ACTN2: variants seen among roughly 807,000 people sequenced by gnomAD.
ACTN2 encodes alpha-actinin-2.
ACTN2 carries 39 observed loss-of-function variants against 113.8 expected under a neutral mutation model. The ratio of observed to expected loss-of-function variants is 0.34; its 90% CI spans 0.27 to 0.45. The LOEUF is 0.45. Among genes scored for constraint, ACTN2 ranks in the 20% least tolerant of loss-of-function variants. ACTN2 has a pLI of 1.00. For missense variants in ACTN2, 992 were observed against 1,177.9 expected (o/e 0.84, Z 2.31); for synonymous variants, 429 against 444.1 (o/e 0.97, Z 0.43).
rs191807877 is a variant in ACTN2, at chr1:236,722,241, T to C, written c.448+2050T>C. On this transcript the variant is annotated intron_variant, in intron 4 of 20. Coordinates refer to ENST00000366578, the MANE Select transcript of ACTN2 (RefSeq NM_001103.4). ...AAATCATCTTTATTTGTTTTAATGA[T>C]GTGTGGTATGTTGAAAAATTCATTG... Among the ~76,000 whole-genome samples, 25 of 152,246 alleles carry C rather than the reference T, an allele frequency of 1.6e-4. No homozygotes were observed. In the East Asian group the frequency reaches 3.9e-3, roughly 23 times the overall value.
chr1:236,738,259 T>C (rs1658951454), intron 9 of ACTN2, among the ~76,000 whole-genome samples: 1 of 152,270 alleles, frequency 6.6e-6, no homozygotes, highest in Non-Finnish European at 1.5e-5. Context: ...TCCACCCGCC[T>C]TGGCCTCCCA....
chr1:236,712,191 A>G (rs1658047253), intron 1 of ACTN2, among the ~76,000 whole-genome samples: 1 of 152,212 alleles, frequency 6.6e-6, no homozygotes, highest in Admixed American at 6.5e-5. Flanking sequence ...TATCTTATCC[A>G]TGATTAACAG....
chr1:236,701,529 T>C (rs3851908), intron 1 of ACTN2, among the ~76,000 whole-genome samples: 9,906 of 152,246 alleles, frequency 0.065, 399 homozygotes, highest in Middle Eastern at 0.13. Flanking sequence ...GCGGGCCAGG[T>C]TGCCCTCTGA....
intron 4 of ACTN2, among the ~76,000 whole-genome samples, chr1:236,724,539 A>G (rs1658491907): frequency 6.6e-6 from 1 of 152,218 alleles, no homozygotes; most frequent in African/African-American, 2.4e-5. Flanking sequence ...TTGGGGAAGA[A>G]GGTCTCCGAC....
chr1:236,701,757 A>C (rs1199069928), intron 1 of ACTN2, among the ~76,000 whole-genome samples: 1 of 152,214 alleles, frequency 6.6e-6, no homozygotes. Flanking sequence ...TTTTGACAGT[A>C]TGTCTTTTCT....
intron 1 of ACTN2, among the ~76,000 whole-genome samples, chr1:236,698,732 C>T (rs1463805798): frequency 6.6e-6 from 1 of 152,020 alleles, no homozygotes; most frequent in Non-Finnish European, 1.5e-5. Flanking sequence ...GGATTTTTAC[C>T]AGTGAATTGA....
At chr1:236,739,823 T>TCCA (rs1484723427) in intron 10 of ACTN2, among the ~76,000 whole-genome samples, 3 of 152,210 alleles carry the variant, frequency 2.0e-5, no homozygotes, top group Admixed American at 1.3e-4. Context: ...GCCCCTCATG[T>TCCA]CCACCAGCAT....
chr1:236,709,249 T>C (rs1473608993), intron 1 of ACTN2, among the ~76,000 whole-genome samples: 10 of 89,106 alleles, frequency 1.1e-4, no homozygotes, highest in East Asian at 5.8e-4. Flanking sequence ...TATATATATA[T>C]ATATATACAC....
At chr1:236,704,900 A>G (rs707213) in intron 1 of ACTN2, among the ~76,000 whole-genome samples, 134,867 of 152,224 alleles carry the variant, frequency 0.89, 60,837 homozygotes, top group East Asian at 0.98. Context: ...GAAAATCCCC[A>G]CAAGGCCTGT....
intron 8 of ACTN2, 179 bp from the exon 9 acceptor site, chr1:236,736,943 G>A (rs1289354770): frequency 3.1e-6 from 2 of 640,224 alleles, no homozygotes; most frequent in East Asian, 2.8e-5. Flanking sequence ...TAACAAAGGT[G>A]TGAAATGATT....
At chr1:236,752,782 A>G (rs1008328219) in intron 15 of ACTN2, among the ~76,000 whole-genome samples, 11 of 151,946 alleles carry the variant, frequency 7.2e-5, no homozygotes, top group African/African-American at 2.7e-4. Flanking sequence ...CAAACTCCTG[A>G]CGTCAGGTGA....
At chr1:236,694,396 TA>T (rs1206816499) in intron 1 of ACTN2, among the ~76,000 whole-genome samples, 1 of 151,772 alleles carries the variant, frequency 6.6e-6, no homozygotes, top group African/African-American at 2.4e-5. Context: ...CTAATTTTTT[TA>T]TTTTTAGTAG....
intron 1 of ACTN2, among the ~76,000 whole-genome samples, chr1:236,695,380 A>G (rs1327394258): frequency 6.6e-6 from 1 of 151,398 alleles, no homozygotes; most frequent in Admixed American, 6.6e-5. Flanking sequence ...TGTCTCAAAA[A>G]AAAAAAAAAA....
intron 1 of ACTN2, among the ~76,000 whole-genome samples, chr1:236,717,446 A>G (rs1002556465): frequency 1.2e-4 from 18 of 152,170 alleles, no homozygotes; most frequent in Non-Finnish European, 2.4e-4. Context: ...TCTCCAAAAC[A>G]AAACAAAACA....
chr1:236,742,927 A>G lies in ACTN2; in HGVS notation c.1139A>G (p.Gln380Arg), dbSNP rs892745227. ...DIAGAWQRLE[Q>R]AEKGYEEWLL... ...GCTGGTGCCTGGCAGAGGCTGGAGC[A>G]GGCTGAGAAGGGTTACGAGGAGTGG... The change falls in exon 11 of 21, where the codon CAG (glutamine) becomes CGG (arginine). Residue 380 changes from glutamine (Q) to arginine (R), a missense_variant. This residue lies in a region of ACTN2 where 736 missense variants were observed against 815.4 expected (regional missense o/e 0.90). Coordinates refer to ENST00000366578, the MANE Select transcript of ACTN2 (RefSeq NM_001103.4). 1.2e-6 allele frequency: 2 copies of G among 1,614,218 alleles called. No individual in the cohort carries two copies. The highest frequency in any genetic ancestry group is 1.7e-6 in the Non-Finnish European group (2 of 1,180,056).
rs397516576 is a variant in ACTN2 at position 236,761,131 on chromosome 1, C to A, written c.2484C>A (p.Ala828=). The change falls in exon 20 of 21, where the codon GCC becomes GCA. Residue 828 remains alanine, a synonymous_variant. Transcript: ENST00000366578. ...GAGAGACGGCTGACACCGACACTGC[C>A]GAGCAGGTCATCGCCTCCTTCCGGA... The part of the protein sequence containing the change: ...MTRETADTDT[A]EQVIASFRIL... 1 of 1,614,164 alleles carries A rather than the reference C, an allele frequency of 6.2e-7. No individual in the cohort carries two copies. Among genetic ancestry groups the A allele is most frequent in the Non-Finnish European group, 8.5e-7 (1 of 1,180,030 alleles).
chr1:236,747,767 G>T lies in ACTN2; in HGVS notation c.1507G>T (p.Ala503Ser), dbSNP rs1057460296. 7 of 1,613,038 alleles carry T rather than the reference G, an allele frequency of 4.3e-6. No homozygotes were observed. In the African/African-American group the frequency reaches 6.7e-5, roughly 15 times the overall value. Residue 503 changes from alanine to serine, a missense_variant, in exon 13 of 21, where the codon GCC becomes TCC. By Grantham distance (99) the Ala-to-Ser change is moderately conservative. This residue lies in a region of ACTN2 where 736 missense variants were observed against 815.4 expected (regional missense o/e 0.90). Coordinates refer to ENST00000366578, the MANE Select transcript of ACTN2 (RefSeq NM_001103.4). The stretch of plus-strand genomic sequence containing the variant: ...AACGCTTACTCAGAAGAGGAGAGAA[G>T]CCCTAGAGGTGAAGTATTGAAGCCA... ...LGTLTQKRRE[A>S]LERMEKLLET...
At chr1:236,693,206 CACACACACAG>C (rs1458120521) in intron 1 of ACTN2, among the ~76,000 whole-genome samples, 2 of 114,854 alleles carry the variant, frequency 1.7e-5, no homozygotes, top group Non-Finnish European at 4.1e-5. Flanking sequence ...CACACACACA[CACACACACAG>C]AGTTTTCTAG....
intron 1 of ACTN2, among the ~76,000 whole-genome samples, chr1:236,717,492 A>C (rs964584132): frequency 6.6e-6 from 1 of 151,610 alleles, no homozygotes; most frequent in African/African-American, 2.4e-5. Flanking sequence ...GCAAGCAAGC[A>C]TATTTTGCAT....
Sources: allele counts gnomAD v4.1 joint callset (sites outside exome capture counted in the v4.1 genomes callset), GRCh38; gene constraint gnomAD v4.1.1; regional missense constraint gnomAD v4.1.1; transcripts MANE v1.5; gene names NCBI Gene and HGNC (gene_info 2026-07-23, HGNC 2026-07-21).